Variants in SGCD observed in about 807,000 individuals in gnomAD.
SGCD encodes sarcoglycan delta, also known as delta-sarcoglycan.
A neutral mutation model predicts 36.6 loss-of-function variants in SGCD; 18 were observed. That is an observed-to-expected ratio of 0.49 (90% CI 0.34 to 0.73). The LOEUF is 0.73. SGCD is among the 30% of genes least tolerant of loss of function. The probability of loss-of-function intolerance (pLI) is 0.01; values close to 1 mark genes in which losing one functional copy is unlikely to be tolerated. For missense variants in SGCD, 387 were observed against 346.7 expected (o/e 1.12, Z -0.92); for synonymous variants, 133 against 130.6 (o/e 1.02, Z -0.12).
chr5:156,586,385 T>G (rs1331747922), intron 4 of SGCD, among the ~76,000 whole-genome samples: 1 of 152,198 alleles, frequency 6.6e-6, no homozygotes, highest in East Asian at 1.9e-4. Context: ...TGATGTTGCT[T>G]TTGGTTAGCT....
At chr5:156,443,043 G>T (rs1476397447) in intron 3 of SGCD, among the ~76,000 whole-genome samples, 2 of 152,108 alleles carry the variant, frequency 1.3e-5, no homozygotes, top group Admixed American at 1.3e-4. Context: ...GGAGTGCAGT[G>T]GGTCAATCTC....
chr5:156,133,174 G>A (rs1235957159), intron 3 of SGCD, among the ~76,000 whole-genome samples: 3 of 152,184 alleles, frequency 2.0e-5, no homozygotes, highest in African/African-American at 7.2e-5. Context: ...AAGTGAATTA[G>A]TAATTAATGT....
chr5:156,623,684 C>T (rs1762339279), intron 6 of SGCD, among the ~76,000 whole-genome samples: 1 of 152,166 alleles, frequency 6.6e-6, no homozygotes. Context: ...GAAAAGATTG[C>T]ATTTAACTAA....
At chr5:156,473,138 G>C (rs535316214) in intron 3 of SGCD, among the ~76,000 whole-genome samples, 1 of 152,150 alleles carries the variant, frequency 6.6e-6, no homozygotes, top group African/African-American at 2.4e-5. Flanking sequence ...TATTTCAGCC[G>C]TTTGCCTCTT....
chr5:156,074,742 C>G (rs1257093437), intron 1 of SGCD, among the ~76,000 whole-genome samples: 1 of 152,156 alleles, frequency 6.6e-6, no homozygotes, highest in Admixed American at 6.5e-5. Context: ...AAAACAAAAA[C>G]ATGACAGAGC....
Position 156,096,275 on chromosome 5 carries a change from T to A in SGCD, c.-281-21603T>A, listed in dbSNP as rs10039250. Among the ~76,000 whole-genome samples, 287 of 152,274 alleles carry A rather than the reference T, an allele frequency of 1.9e-3. 2 individuals carry two copies. The highest frequency in any genetic ancestry group is 6.6e-3 in the African/African-American group (273 of 41,558). ...GATCTCCCATATGGGCCACCAAACA[T>A]TGTAGCCAAATGCAGGTTCAGCTGC... On this transcript the variant is annotated intron_variant, in intron 1 of 9. Coordinates refer to the SGCD transcript ENST00000517913.
chr5:155,793,686 C>A, the SGCD span, among the ~76,000 whole-genome samples: 2 of 151,718 alleles, frequency 1.3e-5, no homozygotes, highest in Admixed American at 1.3e-4. Context: ...GGACTACAGG[C>A]ATGCACCACC....
intron 4 of SGCD, among the ~76,000 whole-genome samples, chr5:156,539,638 T>C (rs577353319): frequency 6.6e-6 from 1 of 152,144 alleles, no homozygotes; most frequent in Admixed American, 6.6e-5. Context: ...ATATATCATA[T>C]TTTCTTTATC....
intron 6 of SGCD, among the ~76,000 whole-genome samples, chr5:156,627,694 T>C (rs948304694): frequency 6.6e-6 from 1 of 152,190 alleles, no homozygotes; most frequent in African/African-American, 2.4e-5. Context: ...TATAGTAAGT[T>C]TGTTGGGAAA....
rs377470284 is a variant in SGCD at position 156,508,717 on chromosome 5, A to C, written c.294+15A>C. 5.7e-5 allele frequency: 81 copies of C among 1,423,492 alleles called. No individual in the cohort carries two copies. The highest frequency in any genetic ancestry group is 8.0e-5 in the Non-Finnish European group (81 of 1,016,076). 88.2% of individuals were successfully genotyped at this position (1,423,492 alleles called of 1,614,324 possible). On this transcript the variant is annotated intron_variant, in intron 4 of 8. Transcript: ENST00000337851. ...AGTCCCGACCAGTAAGTTTCTGCTG[A>C]GAGAAGGAGGCATTATTGTTGCTCT...
intron 3 of SGCD, among the ~76,000 whole-genome samples, chr5:156,137,912 C>G (rs931232128): frequency 5.3e-5 from 8 of 152,092 alleles, no homozygotes; most frequent in African/African-American, 1.7e-4. Flanking sequence ...TTTTTATACT[C>G]AACTTTCCTG....
intron 4 of SGCD, among the ~76,000 whole-genome samples, chr5:156,580,805 CT>C (rs979678835): frequency 6.6e-6 from 1 of 152,124 alleles, no homozygotes; most frequent in African/African-American, 2.4e-5. Flanking sequence ...TTCATCTAAT[CT>C]TTTTTCAAGG....
intron 6 of SGCD, among the ~76,000 whole-genome samples, chr5:156,602,987 A>G (rs1761263081): frequency 6.6e-6 from 1 of 151,908 alleles, no homozygotes; most frequent in Non-Finnish European, 1.5e-5. Context: ...CTCTTCTCTG[A>G]TGTTATGGAA....
At chr5:156,340,681 A>G (rs894949385) in intron 2 of SGCD, among the ~76,000 whole-genome samples, 5 of 152,194 alleles carry the variant, frequency 3.3e-5, no homozygotes, top group African/African-American at 1.2e-4. Context: ...GACTATTGTC[A>G]TGATTTACTG....
chr5:156,342,886 A>G (rs1215732971), intron 2 of SGCD, among the ~76,000 whole-genome samples: 1 of 152,226 alleles, frequency 6.6e-6, no homozygotes, highest in African/African-American at 2.4e-5. Flanking sequence ...TTTCCATTCA[A>G]TCATTCCACA....
intron 6 of SGCD, among the ~76,000 whole-genome samples, chr5:156,600,313 C>A (rs1761139335): frequency 6.6e-6 from 1 of 152,148 alleles, no homozygotes; most frequent in South Asian, 2.1e-4. Flanking sequence ...AACCTTCTCT[C>A]CTCCATCCCC....
At chr5:156,474,329 CGT>C (rs147159049) in intron 3 of SGCD, among the ~76,000 whole-genome samples, 2,947 of 152,308 alleles carry the variant, frequency 0.019, 33 homozygotes, top group Non-Finnish European at 0.032. Context: ...GTGCAAGCAC[CGT>C]GTGTCAGGAT....
intron 3 of SGCD, among the ~76,000 whole-genome samples, chr5:156,183,681 A>G (rs1172422377): frequency 1.3e-5 from 2 of 152,246 alleles, no homozygotes; most frequent in East Asian, 3.9e-4. Context: ...TGCTGAGATT[A>G]CAGGCGTGAG....
At chr5:156,009,943 C>T (rs1487341153) in intron 1 of SGCD, among the ~76,000 whole-genome samples, 1 of 152,148 alleles carries the variant, frequency 6.6e-6, no homozygotes, top group East Asian at 1.9e-4. Context: ...GACCAAAAGG[C>T]CAGTTTTCTT....
Sources: allele counts gnomAD v4.1 joint callset (sites outside exome capture counted in the v4.1 genomes callset), GRCh38; gene constraint gnomAD v4.1.1; transcripts MANE v1.5; gene names NCBI Gene and HGNC (gene_info 2026-07-23, HGNC 2026-07-21).